The following LRRC74A variants were observed in gnomAD, a reference collection of about 807,000 sequenced individuals.
LRRC74A encodes the protein leucine-rich repeat-containing protein 74A.
Under a neutral mutation model 57.9 loss-of-function variants are expected in LRRC74A, and 44 were observed. That is an observed-to-expected ratio of 0.76 (90% CI 0.60 to 0.98). The LOEUF (loss-of-function observed/expected upper bound fraction) is 0.98, where lower values mean the gene tolerates loss of function less well. Ranked by LOEUF, LRRC74A falls within the 50% of genes least tolerant of loss-of-function variation. The pLI is 0.00. For synonymous variants in LRRC74A, 211 were observed against 219.4 expected, an observed-to-expected ratio of 0.96 and a Z score of 0.34; for missense variants, 572 against 574.0, an observed-to-expected ratio of 1.00 and a Z score of 0.04.
Position 76,870,214 on chromosome 14 carries a change from G to A in LRRC74A, c.*65G>A, listed in dbSNP as rs926783109. 1 of 1,543,894 alleles carries A rather than the reference G, an allele frequency of 6.5e-7. No homozygotes were observed. The highest frequency in any genetic ancestry group is 8.8e-7 in the Non-Finnish European group (1 of 1,130,868). ...TCCTCGCAAGTCGGATGGTGGCAGG[G>A]AGGAGAGCAAGAGGTGGCTGAAATC... On this transcript the variant is annotated 3_prime_UTR_variant, in exon 14 of 14. Transcript: ENST00000689127.
intron 2 of LRRC74A, among the ~76,000 whole-genome samples, chr14:76,830,560 T>C (rs1358465064): frequency 6.6e-6 from 1 of 152,244 alleles, no homozygotes; most frequent in Non-Finnish European, 1.5e-5. Flanking sequence ...ACAGTCCTTT[T>C]TATAAGGAAA....
At chr14:76,858,567 T>C (rs1898066280) in intron 10 of LRRC74A, among the ~76,000 whole-genome samples, 1 of 152,068 alleles carries the variant, frequency 6.6e-6, no homozygotes, top group South Asian at 2.1e-4. Flanking sequence ...ATTCAACCCA[T>C]AACAAGTGCT....
chr14:76,867,144 G>T (rs189888062), intron 12 of LRRC74A, among the ~76,000 whole-genome samples: 223 of 9,530 alleles, frequency 0.023, 37 homozygotes, highest in Middle Eastern at 0.071. Flanking sequence ...AGTGTGGGGG[G>T]GTGTGTGTGT....
chr14:76,831,157 G>T (rs760273551), intron 2 of LRRC74A, 46 bp from the exon 3 acceptor site: 7 of 1,596,736 alleles, frequency 4.4e-6, no homozygotes, highest in Admixed American at 1.7e-5. Flanking sequence ...GGGAGAGAAG[G>T]CAAAGGTGGA....
chr14:76,841,427 T>C (rs913500686), intron 5 of LRRC74A, among the ~76,000 whole-genome samples: 1 of 152,040 alleles, frequency 6.6e-6, no homozygotes, highest in Non-Finnish European at 1.5e-5. Context: ...TAATCTTGAA[T>C]TTTTTTTCAA....
intron 7 of LRRC74A, among the ~76,000 whole-genome samples, chr14:76,849,803 C>T (rs371068767): frequency 2.3e-5 from 3 of 130,670 alleles, no homozygotes; most frequent in Non-Finnish European, 4.9e-5. Flanking sequence ...AATTCTGCCT[C>T]AAAAAAAAAA....
chr14:76,852,112 G>T (rs147141005), intron 7 of LRRC74A, among the ~76,000 whole-genome samples: 56 of 152,288 alleles, frequency 3.7e-4, no homozygotes, highest in Non-Finnish European at 7.2e-4. Context: ...GATAATATCT[G>T]CCAAATAGAC....
In LRRC74A at chr14:76,841,725, T is replaced by C. The variant is rs1444569224; in HGVS notation, c.545-2698T>C. ...CTTTTTTTTTCTTTTTCTTTTTTTT[T>C]TTTTTTAGAAGGAGTTTCACTCTTG... On this transcript the variant is annotated intron_variant, in intron 5 of 13. Transcript: ENST00000689127. Among the ~76,000 whole-genome samples, 9 of 151,366 alleles carry C rather than the reference T, an allele frequency of 5.9e-5. 1 individual carries two copies. In the East Asian group the frequency reaches 7.7e-4, roughly 13 times the overall value.
intron 5 of LRRC74A, among the ~76,000 whole-genome samples, chr14:76,843,846 A>C (rs1011256070): frequency 1.3e-5 from 2 of 151,762 alleles, no homozygotes; most frequent in Non-Finnish European, 2.9e-5. Flanking sequence ...CTGGGACCAC[A>C]GGTGTGCGCC....
intron 3 of LRRC74A, among the ~76,000 whole-genome samples, chr14:76,832,197 G>A (rs1896020964): frequency 6.6e-6 from 1 of 152,196 alleles, no homozygotes; most frequent in Non-Finnish European, 1.5e-5. Flanking sequence ...GTGCAGTAAG[G>A]ACCAATACAC....
At chr14:76,867,138 T>G (rs1469873948) in intron 12 of LRRC74A, among the ~76,000 whole-genome samples, 1 of 2,444 alleles carries the variant, frequency 4.1e-4, no homozygotes, top group African/African-American at 1.2e-3. Flanking sequence ...TGTGGTAGTG[T>G]GGGGGGGTGT....
intron 7 of LRRC74A, among the ~76,000 whole-genome samples, chr14:76,852,060 G>A (rs1208764590): frequency 6.6e-6 from 1 of 152,214 alleles, no homozygotes; most frequent in Non-Finnish European, 1.5e-5. Flanking sequence ...TCTCAGAGGT[G>A]AGTAGGGTAT....
chr14:76,861,380 G>C (rs1898294464), intron 11 of LRRC74A, among the ~76,000 whole-genome samples: 1 of 152,152 alleles, frequency 6.6e-6, no homozygotes, highest in African/African-American at 2.4e-5. Flanking sequence ...GCCAAAGAGA[G>C]ACACTTCAGT....
intron 5 of LRRC74A, among the ~76,000 whole-genome samples, chr14:76,843,105 A>C (rs959432793): frequency 1.3e-5 from 2 of 152,018 alleles, no homozygotes; most frequent in Admixed American, 6.6e-5. Context: ...AACATGTTGA[A>C]ACTGTGTCTG....
intron 10 of LRRC74A, among the ~76,000 whole-genome samples, chr14:76,858,449 G>C (rs374426592): frequency 6.6e-6 from 1 of 152,142 alleles, no homozygotes; most frequent in Non-Finnish European, 1.5e-5. Context: ...CCCACCCTAA[G>C]TACCTCATTT....
At position 76,857,528 on chromosome 14, in the gene LRRC74A, T is replaced by C. The variant is rs1367553066; in HGVS notation, c.1053+53T>C. ...GTCTGGGCACAAGCCAGTGACCCTG[T>C]CCACTCTATACTCTGTGTTGGCCAG... On this transcript the variant is annotated intron_variant, in intron 10 of 13. Transcript: ENST00000689127. 1.5e-5 allele frequency: 20 copies of C among 1,296,120 alleles called. No homozygotes were observed. In the East Asian group the frequency reaches 5.1e-4, roughly 33 times the overall value. 80.3% of individuals were successfully genotyped at this position (1,296,120 alleles called of 1,614,324 possible).
intron 3 of LRRC74A, among the ~76,000 whole-genome samples, chr14:76,834,738 T>C (rs1004490344): frequency 6.6e-6 from 1 of 152,168 alleles, no homozygotes; most frequent in African/African-American, 2.4e-5. Flanking sequence ...CCCCCTGGAA[T>C]GTGCTGGTCC....
chr14:76,846,928 T>C (rs1254447911), intron 7 of LRRC74A, among the ~76,000 whole-genome samples: 1 of 152,256 alleles, frequency 6.6e-6, no homozygotes, highest in East Asian at 1.9e-4. Context: ...GGGTCATAGG[T>C]ATATAGATGT....
chr14:76,851,409 G>A lies in LRRC74A; in HGVS notation c.677-956G>A, dbSNP rs145013524. 9.6e-3 allele frequency among the ~76,000 whole-genome samples: 1,468 copies of A among 152,262 alleles called. 21 individuals carry two copies. Among genetic ancestry groups the A allele is most frequent in the African/African-American group, 0.034 (1,408 of 41,554 alleles). On this transcript the variant is annotated intron_variant, in intron 7 of 13. Transcript: ENST00000689127. ...GTCTTGCTCTGTCACCCAGGCTGGA[G>A]TGCAATGGCACCATCTTGGCTCACT... is the stretch of plus-strand genomic sequence containing the variant.
Sources: gnomAD v4.1 joint callset for allele counts (sites outside exome capture counted in the v4.1 genomes callset) on GRCh38, gnomAD v4.1.1 for gene constraint, MANE v1.5 for transcripts, NCBI Gene and HGNC (gene_info 2026-07-23, HGNC 2026-07-21) for gene names.